The following HERC3 variants were observed in gnomAD, a reference collection of about 807,000 sequenced individuals.
HERC3 encodes the protein HECT and RLD domain containing E3 ubiquitin protein ligase 3, also known as probable E3 ubiquitin-protein ligase HERC3.
In HERC3, 58 loss-of-function variants were observed where a neutral mutation model predicts 129.9. The ratio of observed to expected loss-of-function variants is 0.45; its 90% CI spans 0.36 to 0.56. The LOEUF is 0.56. Ranked by LOEUF, HERC3 falls within the 20% of genes least tolerant of loss-of-function variation. HERC3 has a pLI of 0.00. For missense variants in HERC3, 835 were observed against 1,244.2 expected (o/e 0.67, Z 4.95); for synonymous variants, 430 against 451.0 (o/e 0.95, Z 0.59).
chr4:88,667,481 T>A lies in HERC3; in HGVS notation c.1436T>A (p.Leu479Gln). ...ATGAACTCTCAGCACTCCATGATTCTAGAACAGGTATGTTTCTATATTTGT... is the reference window on the plus strand; with the variant it reads ...ATGAACTCTCAGCACTCCATGATTCAAGAACAGGTATGTTTCTATATTTGT... ...KLMNSQHSMI[L>Q]EQILNSFESC... Residue 479 changes from leucine to glutamine, a missense_variant, in exon 13 of 26, where the codon CTA becomes CAA. Leu to Gln is a moderately radical substitution (Grantham distance 113). Coordinates refer to ENST00000402738, the MANE Select transcript of HERC3 (RefSeq NM_014606.3). The A allele has an allele frequency of 6.4e-7, 1 of 1,551,614 alleles. No individual in the cohort carries two copies. Among genetic ancestry groups the A allele is most frequent in the Non-Finnish European group, 8.8e-7 (1 of 1,132,016 alleles).
intron 3 of HERC3, among the ~76,000 whole-genome samples, chr4:88,632,492 C>G (rs1198942051): frequency 2.0e-5 from 3 of 152,210 alleles, no homozygotes; most frequent in Admixed American, 1.3e-4. Context: ...ATCTGACAAA[C>G]TTTAAAGCAT....
chr4:88,572,259 A>C, the HERC3 span, among the ~76,000 whole-genome samples: 2 of 151,864 alleles, frequency 1.3e-5, no homozygotes, highest in Admixed American at 6.6e-5. Context: ...TCTCATCTCC[A>C]AAAAAGTGTA....
chr4:88,548,125 C>T, the HERC3 span, among the ~76,000 whole-genome samples: 1 of 151,972 alleles, frequency 6.6e-6, no homozygotes, highest in Non-Finnish European at 1.5e-5. Context: ...GGATTGTTTC[C>T]AATTTTTGCC....
intron 3 of HERC3, 80 bp from the exon 4 acceptor site, chr4:88,649,760 A>G: frequency 1.6e-6 from 2 of 1,222,602 alleles, no homozygotes; most frequent in South Asian, 1.4e-5. Context: ...AAAACTGCCC[A>G]GGAAGATAAT....
chr4:88,543,164 G>C, the HERC3 span, among the ~76,000 whole-genome samples: 21 of 152,284 alleles, frequency 1.4e-4, no homozygotes, highest in East Asian at 3.9e-3. Context: ...GTTTGCAAAT[G>C]ACATGATTGT....
At chr4:88,552,139 T>C in the HERC3 span, among the ~76,000 whole-genome samples, 2 of 19,950 alleles carry the variant, frequency 1.0e-4, no homozygotes, top group African/African-American at 3.0e-4. Flanking sequence ...TGTTGTGGGG[T>C]GGGGGGAGGC....
rs765721709 is a variant in HERC3 at position 88,706,772 on chromosome 4, C to T, written c.2965C>T (p.Arg989Trp). 6 of 1,613,988 alleles carry T rather than the reference C, an allele frequency of 3.7e-6. No individual in the cohort carries two copies. The highest frequency in any genetic ancestry group is 1.3e-5 in the African/African-American group (1 of 74,910). Residue 989 changes from arginine (R) to tryptophan (W), a missense_variant, in exon 26 of 26, where the codon CGG (arginine) becomes TGG (tryptophan). Physicochemically the swap from Arg to Trp is moderately radical, Grantham distance 101. Coordinates refer to ENST00000402738, the MANE Select transcript of HERC3 (RefSeq NM_014606.3). ...KFLLFLTGSD[R>W]IPIYGMASLQ... ...CCCAGTGTTCCTGACAGGCAGCGATCGGATTCCCATCTACGGCATGGCCAG... is the reference window on the plus strand; with the variant it reads ...CCCAGTGTTCCTGACAGGCAGCGATTGGATTCCCATCTACGGCATGGCCAG...
chr4:88,555,227 G>T, the HERC3 span, among the ~76,000 whole-genome samples: 1 of 149,438 alleles, frequency 6.7e-6, no homozygotes, highest in Non-Finnish European at 1.5e-5. Flanking sequence ...AGGTTGCAGT[G>T]AGCTGAGATC....
At chr4:88,661,464 G>C (rs546849065) in intron 10 of HERC3, among the ~76,000 whole-genome samples, 245 of 152,274 alleles carry the variant, frequency 1.6e-3, no homozygotes, top group Non-Finnish European at 2.7e-3. Context: ...GTTTTTATGT[G>C]TAGGTACAAA....
chr4:88,680,908 T>C (rs1578304807), intron 20 of HERC3: 1 of 488,940 alleles, frequency 2.0e-6, no homozygotes, highest in Non-Finnish European at 2.7e-6. Context: ...GAAAGTTCTG[T>C]TGGATGGCCC....
At chr4:88,634,548 G>A (rs1727147386) in intron 3 of HERC3, among the ~76,000 whole-genome samples, 1 of 152,168 alleles carries the variant, frequency 6.6e-6, no homozygotes, top group Non-Finnish European at 1.5e-5. Flanking sequence ...AGCAGACTTA[G>A]TCTTTCCTCC....
the HERC3 span, among the ~76,000 whole-genome samples, chr4:88,583,462 AT>A: frequency 2.0e-5 from 3 of 152,220 alleles, no homozygotes; most frequent in African/African-American, 4.8e-5. Context: ...AGTAAAAAAA[AT>A]GTAATTATAT....
chr4:88,673,964 G>A (rs868503610), intron 16 of HERC3, among the ~76,000 whole-genome samples: 3 of 152,154 alleles, frequency 2.0e-5, no homozygotes, highest in Non-Finnish European at 4.4e-5. Context: ...TAGACCACCA[G>A]CTCTGGGCAG....
At chr4:88,704,344 G>A in intron 24 of HERC3, 63 bp downstream of exon 24, 1 of 1,522,620 alleles carries the variant, frequency 6.6e-7, no homozygotes. Context: ...CTGGGGAGGT[G>A]TTCCCAGAGC....
chr4:88,695,388 A>G (rs1164547104), intron 23 of HERC3, among the ~76,000 whole-genome samples: 1 of 152,196 alleles, frequency 6.6e-6, no homozygotes, highest in African/African-American at 2.4e-5. Flanking sequence ...TCTGGAGTCC[A>G]GTTTTTAAAA....
intron 23 of HERC3, chr4:88,690,700 G>C: frequency 1.4e-6 from 1 of 691,010 alleles, no homozygotes; most frequent in Non-Finnish European, 1.8e-6. Context: ...TCATATCTTT[G>C]TCAAGTTATT....
At chr4:88,703,094 GC>G (rs1735469187) in intron 23 of HERC3, among the ~76,000 whole-genome samples, 1 of 152,178 alleles carries the variant, frequency 6.6e-6, no homozygotes, top group Non-Finnish European at 1.5e-5. Flanking sequence ...ATAATCAGCA[GC>G]TTCCCTAATT....
the HERC3 span, among the ~76,000 whole-genome samples, chr4:88,562,460 C>G: frequency 6.6e-6 from 1 of 152,096 alleles, no homozygotes; most frequent in Admixed American, 6.6e-5. Context: ...TGAGTTGTCT[C>G]TTCACTTTGT....
intron 16 of HERC3, 69 bp downstream of exon 16, chr4:88,670,321 A>G: frequency 9.5e-7 from 1 of 1,047,210 alleles, no homozygotes; most frequent in Non-Finnish European, 1.5e-6. Flanking sequence ...GAGCTGTATA[A>G]TATGTCTTTG....
Sources: allele counts gnomAD v4.1 joint callset (sites outside exome capture counted in the v4.1 genomes callset), GRCh38; gene constraint gnomAD v4.1.1; transcripts MANE v1.5; gene names NCBI Gene and HGNC (gene_info 2026-07-23, HGNC 2026-07-21).